The following IMPG2 variants were observed in gnomAD, a reference collection of about 807,000 sequenced individuals.
IMPG2 encodes the protein IPM 200.
In IMPG2, 91 loss-of-function variants were observed where a neutral mutation model predicts 129.2. That is an observed-to-expected ratio of 0.70 (90% CI 0.59 to 0.84). IMPG2 has a LOEUF of 0.84. Among genes scored for constraint, IMPG2 ranks in the 40% least tolerant of loss-of-function variants. The probability of loss-of-function intolerance (pLI) is 0.00; values close to 1 mark genes in which losing one functional copy is unlikely to be tolerated. For synonymous variants in IMPG2, 510 were observed against 517.7 expected (o/e 0.99, Z 0.20); for missense variants, 1,430 against 1,461.7 (o/e 0.98, Z 0.35).
chr3:101,304,277 A>G lies in IMPG2; in HGVS notation c.370T>C (p.Phe124Leu), dbSNP rs201893545. 101 of 1,613,764 alleles carry G rather than the reference A, an allele frequency of 6.3e-5. No homozygotes were observed. Among genetic ancestry groups the G allele is most frequent in the Middle Eastern group, 1.6e-4 (1 of 6,084 alleles). The change falls in exon 3 of 19, where the codon TTT becomes CTT. Residue 124 changes from phenylalanine (F) to leucine (L), a missense_variant. Transcript: ENST00000193391. ...QEAVWEAFRTFWDRLPGREEY... is the reference protein window; with the variant it reads ...QEAVWEAFRTLWDRLPGREEY... ...TCACGCCCAGGAAGTCGATCCCAAA[A>G]AGTCCTGAAGGCTTCCCAGACAGCT...
At chr3:101,254,452 T>C (rs1185820477) in intron 10 of IMPG2, among the ~76,000 whole-genome samples, 1 of 152,054 alleles carries the variant, frequency 6.6e-6, no homozygotes. Context: ...GTATACAATG[T>C]ATGGTAATAC....
At chr3:101,272,999 G>A (rs1252068225) in intron 7 of IMPG2, among the ~76,000 whole-genome samples, 2 of 152,142 alleles carry the variant, frequency 1.3e-5, no homozygotes, top group South Asian at 2.1e-4. Flanking sequence ...TTGAGTTTAA[G>A]TCCTATATAG....
chr3:101,295,527 G>C (rs1220795751), intron 3 of IMPG2, among the ~76,000 whole-genome samples: 3 of 152,142 alleles, frequency 2.0e-5, no homozygotes, highest in Non-Finnish European at 4.4e-5. Flanking sequence ...TTCCAGCTTT[G>C]TTGTTTTTGC....
At position 101,319,670 on chromosome 3, in the gene IMPG2, A is replaced by G. The variant is rs1039843168; in HGVS notation, c.248T>C (p.Ile83Thr). 2 of 1,613,752 alleles carry G rather than the reference A, an allele frequency of 1.2e-6. No homozygotes were observed. The highest frequency in any genetic ancestry group is 8.5e-7 in the Non-Finnish European group (1 of 1,179,790). The change falls in exon 2 of 19, where the codon ATT becomes ACT. Residue 83 changes from isoleucine to threonine, a missense_variant. Ile to Thr is a moderately conservative substitution (Grantham distance 89). Transcript: ENST00000193391. ...GATTTTCACTCCATTAGGAAACAGA[A>G]TAGATCTCCGCCTTCTGATTAACCA... ...RQWLIRRRRS[I>T]LFPNGVKICP... is the part of the protein sequence containing the mutation.
At chr3:101,289,689 C>T (rs1362583504) in intron 4 of IMPG2, among the ~76,000 whole-genome samples, 1 of 151,800 alleles carries the variant, frequency 6.6e-6, no homozygotes, top group African/African-American at 2.4e-5. Flanking sequence ...CAATGAGGAA[C>T]TATTAAATTG....
At chr3:101,231,708 C>T (rs571967718) in intron 15 of IMPG2, among the ~76,000 whole-genome samples, 1 of 152,354 alleles carries the variant, frequency 6.6e-6, no homozygotes, top group South Asian at 2.1e-4. Context: ...CTGTTTCTGG[C>T]ATCTATGCCA....
At chr3:101,229,300 A>ACCCCCCCCCCCCCCCCCCCGCGCCCCCCC in intron 17 of IMPG2, 80 bp downstream of exon 17, 1 of 859,118 alleles carries the variant, frequency 1.2e-6, no homozygotes, top group Non-Finnish European at 1.9e-6. Flanking sequence ...ACTCATACAC[A>ACCCCCCCCCCCCCCCCCCCGCGCCCCCCC]CCCCCACCCA....
At position 101,244,141 on chromosome 3, in the gene IMPG2, A is replaced by G. The variant is rs1428215244; in HGVS notation, c.2190T>C (p.Ser730=). 5 of 1,614,138 alleles carry G rather than the reference A, an allele frequency of 3.1e-6. No homozygotes were observed. The highest frequency in any genetic ancestry group is 4.2e-6 in the Non-Finnish European group (5 of 1,180,010). The change falls in exon 13 of 19, where the codon TCT becomes TCC. Residue 730 remains serine, a synonymous_variant. Transcript: ENST00000193391. ...APLILTSVAI[S]ASTDKSDQAD... is the part of the protein sequence containing the mutation. ...CCTGATCTGATTTATCAGTAGAGGC[A>G]GAGATTGCTACAGATGTCAGTATAA...
intron 5 of IMPG2, among the ~76,000 whole-genome samples, chr3:101,276,081 G>A (rs757753499): frequency 6.6e-6 from 1 of 152,142 alleles, no homozygotes; most frequent in Non-Finnish European, 1.5e-5. Flanking sequence ...TACCAGAGAG[G>A]AGAAGTGGGT....
intron 3 of IMPG2, among the ~76,000 whole-genome samples, chr3:101,300,069 G>T (rs2107133927): frequency 6.6e-6 from 1 of 152,338 alleles, no homozygotes; most frequent in East Asian, 1.9e-4. Context: ...AGCCCAGGAA[G>T]ATTAGAGTCT....
intron 10 of IMPG2, among the ~76,000 whole-genome samples, chr3:101,256,217 G>GAAAGAA (rs1553682324): frequency 3.6e-5 from 5 of 138,272 alleles, no homozygotes; most frequent in Non-Finnish European, 6.4e-5. Context: ...AAGAAAGAAA[G>GAAAGAA]AAAAAAATAT....
chr3:101,264,202 A>G (rs1287684573), intron 9 of IMPG2, among the ~76,000 whole-genome samples: 3 of 151,998 alleles, frequency 2.0e-5, no homozygotes, highest in Non-Finnish European at 2.9e-5. Flanking sequence ...CAAAAAATTA[A>G]AGCAGAAAAA....
chr3:101,266,702 G>A (rs1706724286), intron 9 of IMPG2, among the ~76,000 whole-genome samples: 1 of 152,136 alleles, frequency 6.6e-6, no homozygotes, highest in African/African-American at 2.4e-5. Flanking sequence ...TTGAGATGAT[G>A]CCAGCTGTGC....
intron 18 of IMPG2, chr3:101,227,861 C>T (rs1706241197): frequency 2.2e-6 from 1 of 456,078 alleles, no homozygotes; most frequent in Non-Finnish European, 4.4e-6. Flanking sequence ...AAAGGAGCCA[C>T]CTATCAGAGA....
chr3:101,299,528 T>A (rs1448685554), intron 3 of IMPG2, among the ~76,000 whole-genome samples: 17 of 152,170 alleles, frequency 1.1e-4, no homozygotes, highest in African/African-American at 3.4e-4. Flanking sequence ...TCTTTCTAAG[T>A]TTGTCTAGTA....
chr3:101,281,380 AAG>A (rs1209184291), intron 4 of IMPG2, among the ~76,000 whole-genome samples: 4 of 152,198 alleles, frequency 2.6e-5, no homozygotes, highest in Admixed American at 6.5e-5. Flanking sequence ...ACTCAGGAGA[AAG>A]AGAGAAACAA....
chr3:101,241,815 G>A (rs918652828), intron 14 of IMPG2, among the ~76,000 whole-genome samples: 1 of 151,994 alleles, frequency 6.6e-6, no homozygotes, highest in Non-Finnish European at 1.5e-5. Flanking sequence ...ATCACCTGAG[G>A]TCAGGAGTTC....
chr3:101,316,816 T>C (rs986071387), intron 2 of IMPG2, among the ~76,000 whole-genome samples: 1 of 152,106 alleles, frequency 6.6e-6, no homozygotes, highest in African/African-American at 2.4e-5. Context: ...TTGTAATCAG[T>C]AATAACTAAA....
In IMPG2 at chr3:101,256,212, A is replaced by C. The variant is rs186184121; in HGVS notation, c.1153+1317T>G. On this transcript the variant is annotated intron_variant, in intron 10 of 18. Transcript: ENST00000193391. ...AAGAAAGAAAGAAAGAAAGAAAGAAAGAAAGAAAAAAATATCTTATTTGGG... is the reference window on the plus strand; with the variant it reads ...AAGAAAGAAAGAAAGAAAGAAAGAACGAAAGAAAAAAATATCTTATTTGGG... Among the ~76,000 whole-genome samples, 264 of 144,680 alleles carry C rather than the reference A, an allele frequency of 1.8e-3. 3 individuals carry two copies. The highest frequency in any genetic ancestry group is 7.0e-3 in the African/African-American group (250 of 35,490). The allele number at this position is 144,680 out of a possible 152,430, so 94.9% of individuals were successfully genotyped here. A position where few individuals can be genotyped will look rare whatever the true frequency, so the allele number is the denominator to read the frequency against.
Sources: gnomAD v4.1 joint callset for allele counts (sites outside exome capture counted in the v4.1 genomes callset) on GRCh38, gnomAD v4.1.1 for gene constraint, MANE v1.5 for transcripts, NCBI Gene and HGNC (gene_info 2026-07-23, HGNC 2026-07-21) for gene names.